LARP1: variants seen among roughly 807,000 people sequenced by gnomAD.
LARP1 encodes la-related protein 1.
Under a neutral mutation model 122.7 loss-of-function variants are expected in LARP1, and 36 were observed. That is an observed-to-expected ratio of 0.29 (90% CI 0.22 to 0.39). LARP1 has a LOEUF of 0.39. LARP1 is among the 10% of genes least tolerant of loss of function. The pLI is 1.00. For synonymous variants in LARP1, 539 were observed against 528.7 expected, an observed-to-expected ratio of 1.02 and a Z score of -0.27; for missense variants, 1,040 against 1,403.6, an observed-to-expected ratio of 0.74 and a Z score of 4.14.
chr5:154,695,868 A>G (rs1046331645), intron 1 of LARP1, among the ~76,000 whole-genome samples: 1 of 151,442 alleles, frequency 6.6e-6, no homozygotes, highest in Non-Finnish European at 1.5e-5. Context: ...GCAAGACTCT[A>G]TCTCGAAAAA....
At chr5:154,689,618 T>TAAA (rs61699481) in intron 1 of LARP1, among the ~76,000 whole-genome samples, 1 of 131,854 alleles carries the variant, frequency 7.6e-6, no homozygotes, top group African/African-American at 2.8e-5. Flanking sequence ...TGACTCCGTT[T>TAAA]AAAAAAAAAA....
intron 1 of LARP1, among the ~76,000 whole-genome samples, chr5:154,691,118 CG>C (rs1754179409): frequency 6.6e-6 from 1 of 151,900 alleles, no homozygotes; most frequent in African/African-American, 2.4e-5. Context: ...AAAAATTAGC[CG>C]GGCGTGGTGG....
chr5:154,783,410 T>G (rs1756618159), intron 1 of LARP1, among the ~76,000 whole-genome samples: 1 of 152,192 alleles, frequency 6.6e-6, no homozygotes, highest in Admixed American at 6.5e-5. Context: ...AGCTGTTAGC[T>G]TAGGCTTCCC....
chr5:154,793,760 AG>A (rs1247701369), intron 5 of LARP1, 37 bp downstream of exon 5: 2 of 1,613,986 alleles, frequency 1.2e-6, no homozygotes. Context: ...TGGACTTGGG[AG>A]ACACCCTCAG....
chr5:154,741,179 A>G (rs1331332649), intron 1 of LARP1, among the ~76,000 whole-genome samples: 1 of 152,072 alleles, frequency 6.6e-6, no homozygotes, highest in Non-Finnish European at 1.5e-5. Context: ...CGCCAGGCTC[A>G]CTCCTGGGCT....
chr5:154,708,322 G>T (rs553870248), upstream of LARP1, among the ~76,000 whole-genome samples: 1 of 152,324 alleles, frequency 6.6e-6, no homozygotes, highest in Admixed American at 6.5e-5. Context: ...GTCCCCTGAA[G>T]TGACAGATTG....
intron 1 of LARP1, among the ~76,000 whole-genome samples, chr5:154,691,442 T>C (rs908279341): frequency 1.3e-5 from 2 of 152,164 alleles, no homozygotes; most frequent in African/African-American, 2.4e-5. Flanking sequence ...CCCTGCGACG[T>C]GGCCGCCTGG....
At chr5:154,795,843 T>C (rs1025779669) in intron 8 of LARP1, among the ~76,000 whole-genome samples, 2 of 135,520 alleles carry the variant, frequency 1.5e-5, no homozygotes, top group Non-Finnish European at 3.1e-5. Context: ...ATTTTATATA[T>C]ATTTATATAT....
intron 1 of LARP1, 150 bp downstream of exon 1, chr5:154,756,343 C>T (rs1024962907): frequency 6.4e-6 from 6 of 944,838 alleles, no homozygotes; most frequent in Admixed American, 6.1e-5. Flanking sequence ...ATCCTGGTCG[C>T]CGCGCCCTCC....
chr5:154,694,889 CT>C (rs890643718), intron 1 of LARP1, among the ~76,000 whole-genome samples: 4 of 151,502 alleles, frequency 2.6e-5, no homozygotes, highest in Non-Finnish European at 4.4e-5. Flanking sequence ...TTTTCTTTCC[CT>C]TTTTTTTGTT....
chr5:154,788,684 T>C (rs1261878009), intron 1 of LARP1, among the ~76,000 whole-genome samples: 1 of 151,500 alleles, frequency 6.6e-6, no homozygotes, highest in Non-Finnish European at 1.5e-5. Context: ...TTTTTCAGAA[T>C]GGTGTTGGGA....
At chr5:154,755,065 A>G (rs1186444052), upstream of LARP1, among the ~76,000 whole-genome samples, 1 of 151,704 alleles carries the variant, frequency 6.6e-6, no homozygotes, top group African/African-American at 2.4e-5. Context: ...TATCCCCGTC[A>G]GCGCCCCCAC....
intron 1 of LARP1, among the ~76,000 whole-genome samples, chr5:154,762,506 A>G (rs1179917612): frequency 6.6e-6 from 1 of 152,170 alleles, no homozygotes; most frequent in Non-Finnish European, 1.5e-5. Context: ...TGTTCCCAGA[A>G]TCAAGGACAG....
chr5:154,692,645 A>G (rs941459962), intron 1 of LARP1, among the ~76,000 whole-genome samples: 13 of 152,176 alleles, frequency 8.5e-5, no homozygotes, highest in Non-Finnish European at 1.6e-4. Flanking sequence ...CAACAGGGTA[A>G]AGAGTTCTTC....
rs1281517654 is a variant in LARP1, at chr5:154,775,360, G to T, written c.437-14965G>T. On this transcript the variant is annotated intron_variant, in intron 1 of 18. Transcript: ENST00000518297. ...ATACAAAAATTAGTTGGGTGTGGTG[G>T]CAAGCACCTATAGTCCCAGCTACTC... Among the ~76,000 whole-genome samples, 3 of 152,106 alleles carry T rather than the reference G, an allele frequency of 2.0e-5. No individual in the cohort carries two copies. In the East Asian group the frequency reaches 5.8e-4, roughly 29 times the overall value.
At chr5:154,812,583 G>A (rs1392668431) in intron 18 of LARP1, among the ~76,000 whole-genome samples, 3 of 137,880 alleles carry the variant, frequency 2.2e-5, no homozygotes, top group South Asian at 2.2e-4. Context: ...GCAGTGGCAC[G>A]ATCTTGGCTC....
chr5:154,764,935 A>G (rs1035983689), intron 1 of LARP1, among the ~76,000 whole-genome samples: 1 of 151,662 alleles, frequency 6.6e-6, no homozygotes, highest in African/African-American at 2.4e-5. Context: ...AACAAAAAAA[A>G]CCTATGTCCA....
In LARP1 at chr5:154,706,295, A is replaced by AAATAATAATAAT. The variant is rs138415109; in HGVS notation, c.-180+23288_-180+23299dup. 2.2e-3 allele frequency among the ~76,000 whole-genome samples: 318 copies of AAATAATAATAAT among 142,682 alleles called. 3 individuals carry two copies. The highest frequency in any genetic ancestry group is 7.5e-3 in the African/African-American group (288 of 38,518). The allele number at this position is 142,682 out of a possible 152,430, so 93.6% of individuals were successfully genotyped here. On this transcript the variant is annotated intron_variant, in intron 1 of 18. Coordinates refer to the LARP1 transcript ENST00000687700. ...GGAGACAGAGTGCGACTTTGTCTCA[A>AAATAATAATAAT]AATAATAATAATAATAATAATAATA...
At position 154,792,508 on chromosome 5, in the gene LARP1, C is replaced by T. The variant is rs1466436838; in HGVS notation, c.565-114C>T. The T allele has an allele frequency of 3.3e-6, 3 of 896,118 alleles. No homozygotes were observed. The East Asian group carries it at 7.3e-5, about 22-fold the overall frequency. The allele number at this position is 896,118 out of a possible 1,614,324, so 55.5% of individuals were successfully genotyped here. A position where few individuals can be genotyped will look rare whatever the true frequency, so the allele number is the denominator to read the frequency against. ...TGACCTTAGAATACATCCCATCCAG[C>T]CTGCCATTGCATGCTGTGGCTCCTG... On this transcript the variant is annotated intron_variant, in intron 3 of 18. Transcript: ENST00000518297.
Sources: gnomAD v4.1 joint callset for allele counts (sites outside exome capture counted in the v4.1 genomes callset) on GRCh38, gnomAD v4.1.1 for gene constraint, MANE v1.5 for transcripts, NCBI Gene and HGNC (gene_info 2026-07-23, HGNC 2026-07-21) for gene names.